Variants in DDR2 observed in about 807,000 individuals in gnomAD.
The protein encoded by DDR2 is discoidin domain-containing receptor 2.
Under a neutral mutation model 94.9 loss-of-function variants are expected in DDR2, and 27 were observed. That is an observed-to-expected ratio of 0.28 (90% CI 0.21 to 0.39). DDR2 has a LOEUF of 0.39. DDR2 is among the 10% of genes least tolerant of loss of function. The pLI is 1.00. For missense variants in DDR2, 783 were observed against 1,076.0 expected, an observed-to-expected ratio of 0.73 and a Z score of 3.81; for synonymous variants, 382 against 377.2, an observed-to-expected ratio of 1.01 and a Z score of -0.15.
intron 9 of DDR2, among the ~76,000 whole-genome samples, chr1:162,761,692 G>A (rs537362251): frequency 2.0e-5 from 3 of 152,174 alleles, no homozygotes; most frequent in Non-Finnish European, 4.4e-5. Flanking sequence ...TTTTAAATGA[G>A]AGTACAGTGT....
chr1:162,775,534 T>C (rs935577807), intron 14 of DDR2, 118 bp from the exon 15 acceptor site: 1 of 1,115,686 alleles, frequency 9.0e-7, no homozygotes, highest in Non-Finnish European at 1.3e-6. Context: ...TCAAAAGTTA[T>C]CCAAAGGGAA....
At chr1:162,755,089 G>C (rs1453744746) in intron 5 of DDR2, 67 bp from the exon 6 acceptor site, 3 of 1,605,348 alleles carry the variant, frequency 1.9e-6, no homozygotes, top group Non-Finnish European at 2.6e-6. Context: ...TCAAAAACGT[G>C]GTGGGGTGAA....
At chr1:162,685,084 T>G (rs759819758) in intron 2 of DDR2, among the ~76,000 whole-genome samples, 31 of 152,202 alleles carry the variant, frequency 2.0e-4, no homozygotes, top group Non-Finnish European at 4.0e-4. Context: ...ATTTTACCTT[T>G]CATTAACTGT....
chr1:162,661,968 G>A (rs950275596), intron 2 of DDR2, among the ~76,000 whole-genome samples: 1 of 152,200 alleles, frequency 6.6e-6, no homozygotes, highest in African/African-American at 2.4e-5. Flanking sequence ...GTAGACATAA[G>A]TGGAGAGTCT....
chr1:162,711,536 A>G (rs1345688804), intron 2 of DDR2, among the ~76,000 whole-genome samples: 1 of 152,238 alleles, frequency 6.6e-6, no homozygotes, highest in Non-Finnish European at 1.5e-5. Context: ...TGGAGAAAAA[A>G]GAGTTCTACC....
At chr1:162,720,156 T>C (rs970923920) in intron 3 of DDR2, among the ~76,000 whole-genome samples, 1 of 151,636 alleles carries the variant, frequency 6.6e-6, no homozygotes, top group Non-Finnish European at 1.5e-5. Context: ...AGTCATTTTT[T>C]TTTTCATTTT....
chr1:162,711,135 A>G (rs1660893189), intron 2 of DDR2, among the ~76,000 whole-genome samples: 2 of 152,212 alleles, frequency 1.3e-5, no homozygotes, highest in African/African-American at 4.8e-5. Flanking sequence ...TGCTTTTTAC[A>G]CAAGCTGTAT....
At chr1:162,642,975 G>A (rs1033256538) in intron 1 of DDR2, among the ~76,000 whole-genome samples, 11 of 152,162 alleles carry the variant, frequency 7.2e-5, no homozygotes, top group African/African-American at 2.4e-4. Context: ...TGGATGTCAA[G>A]CTAGGATGTA....
At chr1:162,716,926 G>A (rs1226862137) in intron 2 of DDR2, among the ~76,000 whole-genome samples, 1 of 151,998 alleles carries the variant, frequency 6.6e-6, no homozygotes, top group Non-Finnish European at 1.5e-5. Context: ...CAGCTTAAGG[G>A]AATTTCTTCT....
In DDR2 at chr1:162,783,326, A is replaced by T. The variant is rs560177544; in HGVS notation, c.*3080A>T. On this transcript the variant is annotated 3_prime_UTR_variant, in exon 18 of 18. Transcript: ENST00000367921. ...GCCTGAGGAGCAAAATGTGGTTTTA[A>T]TGTTGTGGAAAGATCACTTGCAAGT... The T allele has an allele frequency of 6.6e-6, 1 of 152,310 alleles. No homozygotes were observed. Among genetic ancestry groups the T allele is most frequent in the Admixed American group, 6.5e-5 (1 of 15,290 alleles). 9.4% of individuals were successfully genotyped at this position (152,310 alleles called of 1,614,324 possible).
intron 2 of DDR2, among the ~76,000 whole-genome samples, chr1:162,658,829 A>AAATAAACAAATAAATAAAT (rs60623253): frequency 7.5e-6 from 1 of 133,622 alleles, no homozygotes; most frequent in Non-Finnish European, 1.6e-5. Flanking sequence ...CCTGTCTCAA[A>AAATAAACAAATAAATAAAT]AAATAAATAA....
chr1:162,748,044 A>C (rs990401391), intron 3 of DDR2, among the ~76,000 whole-genome samples: 6 of 152,220 alleles, frequency 3.9e-5, no homozygotes, highest in African/African-American at 1.4e-4. Flanking sequence ...CACTGCAAAA[A>C]CATGCCAAAT....
rs1647719751 is a variant in DDR2, at chr1:162,778,618, G to C, written c.2322G>C (p.Gly774=). The C allele has an allele frequency of 1.2e-6, 2 of 1,613,904 alleles. No individual in the cohort carries two copies. The highest frequency in any genetic ancestry group is 1.7e-5 in the Admixed American group (1 of 59,994). ...CAGCAAGTGATGTGTGGGCCTTTGG[G>C]GTTACTTTGTGGGAGACTTTCACCT... ...FTTASDVWAF[G]VTLWETFTFC... is the part of the protein sequence containing the mutation. Residue 774 remains glycine (G), a synonymous_variant, in exon 17 of 18, where the codon GGG becomes GGC. Transcript: ENST00000367921.
At chr1:162,671,679 A>G (rs955105744) in intron 2 of DDR2, among the ~76,000 whole-genome samples, 1 of 152,092 alleles carries the variant, frequency 6.6e-6, no homozygotes, top group African/African-American at 2.4e-5. Flanking sequence ...AGCCCAATAA[A>G]TTAAGCTCTT....
chr1:162,716,874 G>A (rs1026874187), intron 2 of DDR2, among the ~76,000 whole-genome samples: 2 of 152,034 alleles, frequency 1.3e-5, no homozygotes, highest in Non-Finnish European at 2.9e-5. Flanking sequence ...TCAAGAACCT[G>A]ATCAGATATT....
At chr1:162,762,054 C>T (rs1309210944) in intron 9 of DDR2, among the ~76,000 whole-genome samples, 1 of 152,172 alleles carries the variant, frequency 6.6e-6, no homozygotes. Flanking sequence ...ACCCAATATC[C>T]TGTCCATATT....
Position 162,759,778 on chromosome 1 carries a change from T to C in DDR2, c.672-18T>C. 6.2e-7 allele frequency: 1 copy of C among 1,613,542 alleles called. No individual in the cohort carries two copies. The highest frequency in any genetic ancestry group is 8.5e-7 in the Non-Finnish European group (1 of 1,179,992). On this transcript the variant is annotated intron_variant, in intron 7 of 17. Coordinates refer to ENST00000367921, the MANE Select transcript of DDR2 (RefSeq NM_006182.4). ...AGATTTCTCTCTCCTTTTCCTCCTC[T>C]TCTCCTGGCCTGAGCAGCATGACAG...
intron 1 of DDR2, among the ~76,000 whole-genome samples, chr1:162,649,766 G>A (rs1422358633): frequency 6.6e-6 from 1 of 152,184 alleles, no homozygotes; most frequent in Non-Finnish European, 1.5e-5. Context: ...GTGTTCTCAA[G>A]CTTCTCTGAC....
chr1:162,766,479 C>A (rs1663994206), intron 10 of DDR2, among the ~76,000 whole-genome samples: 1 of 152,150 alleles, frequency 6.6e-6, no homozygotes. Flanking sequence ...GTGACACTAG[C>A]CAGCAATGTG....
Sources: gnomAD v4.1 joint callset for allele counts (sites outside exome capture counted in the v4.1 genomes callset) on GRCh38, gnomAD v4.1.1 for gene constraint, MANE v1.5 for transcripts, NCBI Gene and HGNC (gene_info 2026-07-23, HGNC 2026-07-21) for gene names.